The following IL1RAPL2 variants were observed in gnomAD, a reference collection of about 807,000 sequenced individuals.
IL1RAPL2 encodes the protein X-linked interleukin-1 receptor accessory protein-like 2.
IL1RAPL2 carries 3 observed loss-of-function variants against 44.1 expected under a neutral mutation model. That is an observed-to-expected ratio of 0.07 (90% CI 0.03 to 0.18). IL1RAPL2 has a LOEUF of 0.18. IL1RAPL2 is among the 10% of genes least tolerant of loss of function. The pLI, the probability that IL1RAPL2 is intolerant of heterozygous loss-of-function variation, is 1.00. For synonymous variants in IL1RAPL2, 181 were observed against 178.8 expected (o/e 1.01, Z -0.10); for missense variants, 391 against 496.4 (o/e 0.79, Z 2.02).
At chrX:104,594,503 G>T (rs1301839388) in intron 1 of IL1RAPL2, among the ~76,000 whole-genome samples, 2 of 111,498 alleles carry the variant, frequency 1.8e-5, no homozygotes, top group Non-Finnish European at 3.8e-5. Flanking sequence ...TAAAAGGGGT[G>T]CCCTTTCATT....
chrX:104,618,021 T>C (rs1191560399), intron 1 of IL1RAPL2, among the ~76,000 whole-genome samples: 1 of 112,114 alleles, frequency 8.9e-6, no homozygotes, highest in Middle Eastern at 4.2e-3. Flanking sequence ...TCTTCTTATT[T>C]TTTCCCTGTA....
At chrX:105,687,558 A>G (rs1440899132) in intron 6 of IL1RAPL2, among the ~76,000 whole-genome samples, 2 of 111,644 alleles carry the variant, frequency 1.8e-5, no homozygotes, top group Non-Finnish European at 3.8e-5. Context: ...TAGACCAATA[A>G]TAGGCTCAGA....
At chrX:105,264,156 C>G (rs1377071102) in intron 4 of IL1RAPL2, among the ~76,000 whole-genome samples, 1 of 110,344 alleles carries the variant, frequency 9.1e-6, no homozygotes, top group African/African-American at 3.3e-5. Context: ...ATGGTTTCCC[C>G]CATCCTGTTC....
intron 7 of IL1RAPL2, among the ~76,000 whole-genome samples, chrX:105,717,971 A>C (rs190862027): frequency 1.8e-5 from 2 of 112,463 alleles, no homozygotes; most frequent in Admixed American, 9.4e-5. Context: ...TATCCTGAAA[A>C]GACTGATCCT....
chrX:105,392,020 A>T (rs2035528557), intron 5 of IL1RAPL2, among the ~76,000 whole-genome samples: 3 of 101,061 alleles, frequency 3.0e-5, no homozygotes, highest in Non-Finnish European at 6.0e-5. Context: ...GGGAAGGGAT[A>T]GCTTTAGGAG....
intron 2 of IL1RAPL2, among the ~76,000 whole-genome samples, chrX:104,947,733 G>A (rs1367993820): frequency 1.8e-5 from 2 of 111,586 alleles, no homozygotes; most frequent in East Asian, 5.6e-4. Context: ...TTGTAGATAT[G>A]CGGTGTTATT....
At chrX:105,209,198 ACT>A (rs1330122993) in intron 3 of IL1RAPL2, among the ~76,000 whole-genome samples, 36 of 111,770 alleles carry the variant, frequency 3.2e-4, no homozygotes, top group Admixed American at 2.3e-3. Context: ...CTATATACAC[ACT>A]CTGCTCAAAT....
intron 5 of IL1RAPL2, among the ~76,000 whole-genome samples, chrX:105,461,822 AAAG>A (rs1343566816): frequency 9.0e-6 from 1 of 111,541 alleles, no homozygotes; most frequent in African/African-American, 3.3e-5. Flanking sequence ...CACACAGAAG[AAAG>A]AAGCCATACG....
chrX:105,462,998 A>G (rs2036103457), intron 5 of IL1RAPL2, among the ~76,000 whole-genome samples: 3 of 111,411 alleles, frequency 2.7e-5, no homozygotes, highest in Admixed American at 1.9e-4. Context: ...TGAAACCCCT[A>G]CCATGAAATC....
intron 5 of IL1RAPL2, among the ~76,000 whole-genome samples, chrX:105,294,804 T>G (rs756935717): frequency 8.9e-6 from 1 of 111,771 alleles, no homozygotes; most frequent in Non-Finnish European, 1.9e-5. Context: ...CCTTTACACA[T>G]GTTATTGCAT....
chrX:105,413,633 C>G (rs1379528510), intron 5 of IL1RAPL2, among the ~76,000 whole-genome samples: 1 of 112,332 alleles, frequency 8.9e-6, no homozygotes, highest in African/African-American at 3.2e-5. Context: ...GAATTCTAAT[C>G]TATAGAACTG....
chrX:105,424,505 T>A (rs1419989976), intron 5 of IL1RAPL2, among the ~76,000 whole-genome samples: 1 of 110,205 alleles, frequency 9.1e-6, no homozygotes, highest in Non-Finnish European at 1.9e-5. Context: ...CTTAGTGATT[T>A]TGGGGCCCCA....
intron 5 of IL1RAPL2, among the ~76,000 whole-genome samples, chrX:105,394,437 G>A (rs765754084): frequency 9.0e-6 from 1 of 111,209 alleles, no homozygotes; most frequent in East Asian, 2.9e-4. Context: ...TATTCTTAGA[G>A]AATCAGTCAC....
At chrX:105,540,898 AATACATACATATATTATATATG>A (rs1569452157) in intron 6 of IL1RAPL2, among the ~76,000 whole-genome samples, 4 of 88,999 alleles carry the variant, frequency 4.5e-5, no homozygotes, top group African/African-American at 1.2e-4. Flanking sequence ...TATGATATAT[AATACATACATATATTATATATG>A]ATATATAATA....
At chrX:105,064,626 G>A (rs1362740016) in intron 2 of IL1RAPL2, among the ~76,000 whole-genome samples, 3 of 112,339 alleles carry the variant, frequency 2.7e-5, no homozygotes, top group Non-Finnish European at 3.8e-5. Flanking sequence ...TGTACATTAT[G>A]TGTGTTACAT....
intron 2 of IL1RAPL2, among the ~76,000 whole-genome samples, chrX:104,917,051 C>G (rs1311504050): frequency 9.0e-6 from 1 of 111,453 alleles, no homozygotes; most frequent in Non-Finnish European, 1.9e-5. Context: ...GTGTCTCTAC[C>G]AGGTTTTGGT....
intron 2 of IL1RAPL2, among the ~76,000 whole-genome samples, chrX:105,122,048 G>T (rs1442915376): frequency 1.8e-5 from 2 of 110,581 alleles, no homozygotes; most frequent in Admixed American, 1.9e-4. Context: ...GAAACCCCAC[G>T]GAATAGTGCA....
intron 2 of IL1RAPL2, among the ~76,000 whole-genome samples, chrX:105,100,278 C>G (rs1174917036): frequency 9.0e-6 from 1 of 111,632 alleles, no homozygotes; most frequent in Non-Finnish European, 1.9e-5. Context: ...TAAAGAAGAA[C>G]TACTGTACCT....
intron 6 of IL1RAPL2, among the ~76,000 whole-genome samples, chrX:105,650,076 G>A (rs1421408457): frequency 1.8e-5 from 2 of 111,272 alleles, no homozygotes; most frequent in East Asian, 2.8e-4. Flanking sequence ...GCACTCTTTA[G>A]GCCAAGATTT....
Sources: allele counts gnomAD v4.1 joint callset (sites outside exome capture counted in the v4.1 genomes callset), GRCh38; gene constraint gnomAD v4.1.1; transcripts MANE v1.5; gene names NCBI Gene and HGNC (gene_info 2026-07-23, HGNC 2026-07-21).